The following PRR16 variants were observed in gnomAD, a reference collection of about 807,000 sequenced individuals.
PRR16 encodes protein Largen.
A neutral mutation model predicts 18.2 loss-of-function variants in PRR16; 6 were observed. The observed-to-expected ratio is 0.33, with a 90% CI of 0.18 to 0.65. PRR16 has a LOEUF of 0.65. Among genes scored for constraint, PRR16 ranks in the 30% least tolerant of loss-of-function variants. The pLI is 0.74. For synonymous variants in PRR16, 151 were observed against 147.8 expected (o/e 1.02, Z -0.16); for missense variants, 412 against 376.6 (o/e 1.09, Z -0.78).
chr5:120,517,883 C>T (rs1751049788), intron 1 of PRR16, among the ~76,000 whole-genome samples: 1 of 152,110 alleles, frequency 6.6e-6, no homozygotes, highest in South Asian at 2.1e-4. Context: ...TACTTTTGAC[C>T]TCTATGAGAT....
intron 1 of PRR16, among the ~76,000 whole-genome samples, chr5:120,523,875 G>C (rs1751267620): frequency 6.6e-6 from 1 of 152,060 alleles, no homozygotes. Context: ...GGGCAAAGAA[G>C]AAATAGATAA....
chr5:120,472,128 G>A lies in PRR16; in HGVS notation c.159+7483G>A, dbSNP rs146374614. ...TTTACTTGTAGAATAATTGAAGTTAGGCAAATTACATACTTATGCTCAATG... is the reference window on the plus strand; with the variant it reads ...TTTACTTGTAGAATAATTGAAGTTAAGCAAATTACATACTTATGCTCAATG... On this transcript the variant is annotated intron_variant, in intron 1 of 1. Coordinates refer to ENST00000407149, the MANE Select transcript of PRR16 (RefSeq NM_001300783.2). 7.4e-4 allele frequency among the ~76,000 whole-genome samples: 113 copies of A among 152,192 alleles called. 2 individuals carry two copies. The highest frequency in any genetic ancestry group is 3.4e-3 in the Middle Eastern group (1 of 294).
intron 1 of PRR16, among the ~76,000 whole-genome samples, chr5:120,575,065 AT>A (rs1217671204): frequency 1.3e-5 from 2 of 150,972 alleles, no homozygotes; most frequent in African/African-American, 2.5e-5. Context: ...CCTTTTAATT[AT>A]TACTTATTAT....
chr5:120,487,326 G>A (rs1009413730), intron 1 of PRR16, among the ~76,000 whole-genome samples: 10 of 152,106 alleles, frequency 6.6e-5, no homozygotes, highest in East Asian at 3.9e-4. Context: ...ATTTCATTGA[G>A]CAGTGGTTTG....
At chr5:120,619,108 G>C (rs1754605248) in intron 1 of PRR16, among the ~76,000 whole-genome samples, 1 of 152,122 alleles carries the variant, frequency 6.6e-6, no homozygotes, top group Non-Finnish European at 1.5e-5. Context: ...GATGAAAAGT[G>C]TCTGCCACAT....
chr5:120,691,920 C>T (rs1260276034), downstream of PRR16, among the ~76,000 whole-genome samples: 1 of 152,204 alleles, frequency 6.6e-6, no homozygotes, highest in Non-Finnish European at 1.5e-5. Context: ...TTCCTCAAAA[C>T]ATCTTCTTTT....
the PRR16 span, among the ~76,000 whole-genome samples, chr5:120,775,059 C>G: frequency 2.6e-5 from 4 of 152,128 alleles, no homozygotes; most frequent in Non-Finnish European, 4.4e-5. Context: ...ATGACACTTA[C>G]TAAAATAAAG....
intron 1 of PRR16, among the ~76,000 whole-genome samples, chr5:120,521,684 T>G (rs562100362): frequency 2.0e-5 from 3 of 152,236 alleles, no homozygotes; most frequent in South Asian, 2.1e-4. Context: ...TTCTTTTTTT[T>G]ATTATACTTT....
At chr5:120,529,177 T>C (rs756976902) in intron 1 of PRR16, among the ~76,000 whole-genome samples, 1 of 152,134 alleles carries the variant, frequency 6.6e-6, no homozygotes. Flanking sequence ...ATAGCATTAA[T>C]TGAGAACCCA....
the PRR16 span, among the ~76,000 whole-genome samples, chr5:120,726,237 A>C: frequency 6.6e-6 from 1 of 152,106 alleles, no homozygotes; most frequent in African/African-American, 2.4e-5. Flanking sequence ...AGGCAGAGCA[A>C]AGATTATATC....
chr5:120,543,190 T>A (rs1326660426), intron 1 of PRR16, among the ~76,000 whole-genome samples: 5 of 152,202 alleles, frequency 3.3e-5, no homozygotes, highest in Admixed American at 1.3e-4. Context: ...GAGCTTTTCC[T>A]ATATTGTAAA....
At chr5:120,710,095 G>T in the PRR16 span, among the ~76,000 whole-genome samples, 1 of 152,108 alleles carries the variant, frequency 6.6e-6, no homozygotes, top group African/African-American at 2.4e-5. Flanking sequence ...CCTACCAACA[G>T]TGTATGAGCT....
In PRR16 at chr5:120,469,517, A is replaced by G. The variant is rs562216945; in HGVS notation, c.159+4872A>G. 3.6e-4 allele frequency among the ~76,000 whole-genome samples: 54 copies of G among 150,848 alleles called. No homozygotes were observed. The Middle Eastern group carries it at 0.014, about 38-fold the overall frequency. On this transcript the variant is annotated intron_variant, in intron 1 of 1. Transcript: ENST00000407149. ...TTTAATTTTTTTTTTTTTGATAGAG[A>G]TGGTGTCTTGCCATATTCCCCAGGC...
intron 1 of PRR16, among the ~76,000 whole-genome samples, chr5:120,525,830 T>C (rs926926578): frequency 7.2e-5 from 11 of 152,134 alleles, no homozygotes; most frequent in Non-Finnish European, 1.5e-4. Flanking sequence ...GTTGGTGCAA[T>C]AGATGTTGAG....
At chr5:120,679,271 C>G (rs1464148527) in intron 1 of PRR16, among the ~76,000 whole-genome samples, 1 of 152,006 alleles carries the variant, frequency 6.6e-6, no homozygotes, top group Non-Finnish European at 1.5e-5. Flanking sequence ...TTCTAGATAC[C>G]TGATGTTTAG....
At chr5:120,618,194 G>A (rs969120380) in intron 1 of PRR16, among the ~76,000 whole-genome samples, 3 of 152,008 alleles carry the variant, frequency 2.0e-5, no homozygotes, top group Non-Finnish European at 4.4e-5. Context: ...TATAAAAGAT[G>A]TCTGGATAAT....
At chr5:120,697,733 G>C in the PRR16 span, among the ~76,000 whole-genome samples, 66 of 151,810 alleles carry the variant, frequency 4.3e-4, no homozygotes, top group Non-Finnish European at 8.2e-4. Flanking sequence ...GTTCTCTGGC[G>C]GGCAGGAGTG....
At chr5:120,633,955 C>T (rs1380835793) in intron 1 of PRR16, among the ~76,000 whole-genome samples, 2 of 152,116 alleles carry the variant, frequency 1.3e-5, no homozygotes, top group Non-Finnish European at 2.9e-5. Flanking sequence ...CAAATATATA[C>T]AGAACATTCT....
intron 1 of PRR16, among the ~76,000 whole-genome samples, chr5:120,533,425 GA>G: frequency 6.6e-6 from 1 of 152,126 alleles, no homozygotes. Flanking sequence ...TTGCATTTTA[GA>G]AAATGATAAG....
Sources: allele counts gnomAD v4.1 joint callset (sites outside exome capture counted in the v4.1 genomes callset), GRCh38; gene constraint gnomAD v4.1.1; transcripts MANE v1.5; gene names NCBI Gene and HGNC (gene_info 2026-07-23, HGNC 2026-07-21).